TMC2: variants seen among roughly 807,000 people sequenced by gnomAD.
TMC2 encodes transmembrane channel like 2, also known as transmembrane channel-like protein 2.
A neutral mutation model predicts 105.9 loss-of-function variants in TMC2; 102 were observed. The ratio of observed to expected loss-of-function variants is 0.96; its 90% CI spans 0.82 to 1.14. The LOEUF (loss-of-function observed/expected upper bound fraction) is 1.14, where lower values mean the gene tolerates loss of function less well. TMC2 is among the 50% of genes most tolerant of loss of function. The pLI, the probability that TMC2 is intolerant of heterozygous loss-of-function variation, is 0.00. For missense variants in TMC2, 1,093 were observed against 1,134.3 expected (o/e 0.96, Z 0.52); for synonymous variants, 402 against 422.8 (o/e 0.95, Z 0.60).
Position 2,625,446 on chromosome 20 carries a change from T to C in TMC2, c.2306+1050T>C, listed in dbSNP as rs143405882. 1.3e-3 allele frequency among the ~76,000 whole-genome samples: 192 copies of C among 152,340 alleles called. 1 individual carries two copies. The highest frequency in any genetic ancestry group is 0.011 in the East Asian group (56 of 5,188). ...GACTAGATTTAATTATTTCCATGCA[T>C]ATTTTGTACTTTTTAATCACATGTG... On this transcript the variant is annotated intron_variant, in intron 17 of 19. Coordinates refer to ENST00000358864, the MANE Select transcript of TMC2 (RefSeq NM_080751.3).
At chr20:2,585,195 G>A (rs574510736) in intron 7 of TMC2, among the ~76,000 whole-genome samples, 93 of 152,230 alleles carry the variant, frequency 6.1e-4, no homozygotes, top group African/African-American at 2.1e-3. Context: ...CAATGGGATT[G>A]TAATATTCCA....
chr20:2,567,715 C>T (rs2086074368), intron 4 of TMC2, among the ~76,000 whole-genome samples: 1 of 151,754 alleles, frequency 6.6e-6, no homozygotes, highest in African/African-American at 2.4e-5. Flanking sequence ...TTAAAGCAAC[C>T]ATCATAAAAA....
At chr20:2,569,325 A>G (rs1226113772) in intron 4 of TMC2, among the ~76,000 whole-genome samples, 1 of 152,132 alleles carries the variant, frequency 6.6e-6, no homozygotes, top group Non-Finnish European at 1.5e-5. Context: ...TTCTCATCCA[A>G]CTTTAACAGG....
At chr20:2,549,325 G>A (rs1715720195) in intron 2 of TMC2, among the ~76,000 whole-genome samples, 1 of 152,040 alleles carries the variant, frequency 6.6e-6, no homozygotes, top group South Asian at 2.1e-4. Context: ...CAAAGTGCTG[G>A]GATTATAGGC....
chr20:2,537,915 C>G (rs963995380), intron 2 of TMC2, among the ~76,000 whole-genome samples: 1 of 152,122 alleles, frequency 6.6e-6, no homozygotes. Context: ...ATTATGGATG[C>G]GATGCTGTTT....
chr20:2,596,917 T>C (rs2146215396), intron 9 of TMC2, among the ~76,000 whole-genome samples: 1 of 152,160 alleles, frequency 6.6e-6, no homozygotes, highest in South Asian at 2.1e-4. Flanking sequence ...GCAGGCTTTT[T>C]ATTACCTCAT....
At position 2,637,535 on chromosome 20, in the gene TMC2, A is replaced by G; in HGVS notation, c.2447A>G (p.Glu816Gly). The change falls in exon 19 of 20, where the codon GAG becomes GGG. Residue 816 changes from glutamate (E) to glycine (G), a missense_variant. Physicochemically the swap from Glu to Gly is moderately conservative, Grantham distance 98. Transcript: ENST00000358864. The part of the protein sequence containing the change: ...VKGKATARDS[E>G]DTPKSSSKNA... ...GGCAAAGCCACAGCCAGAGATTCAG[A>G]GGACACACCTAAAAGCAGCTCCAAA... 1.2e-6 allele frequency: 2 copies of G among 1,614,152 alleles called. No individual in the cohort carries two copies. The highest frequency in any genetic ancestry group is 1.7e-6 in the Non-Finnish European group (2 of 1,180,014).
chr20:2,623,941 A>G (rs527794553), intron 16 of TMC2, among the ~76,000 whole-genome samples: 1 of 152,130 alleles, frequency 6.6e-6, no homozygotes, highest in South Asian at 2.1e-4. Context: ...AAACACAGAC[A>G]ATTTCTCCAG....
rs2086481416 is a variant in TMC2, at chr20:2,616,299, A to G, written c.1940+95A>G. The G allele has an allele frequency of 3.0e-6, 3 of 1,012,494 alleles. No individual in the cohort carries two copies. Among genetic ancestry groups the G allele is most frequent in the African/African-American group, 3.2e-5 (2 of 63,080 alleles). 62.7% of individuals were successfully genotyped at this position (1,012,494 alleles called of 1,614,324 possible). A position where few individuals can be genotyped will look rare whatever the true frequency, so the allele number is the denominator to read the frequency against. ...AACTTAACTAGTTGGAAGAGGCTAG[A>G]TAAGTCCTCTTGCCTCTCTGAACTC... On this transcript the variant is annotated intron_variant, in intron 15 of 19. Coordinates refer to ENST00000358864, the MANE Select transcript of TMC2 (RefSeq NM_080751.3). The surrounding 1 kb of genome is among the most constrained non-coding windows in gnomAD (Gnocchi z 4.8).
chr20:2,634,736 G>A (rs902105491), intron 17 of TMC2, among the ~76,000 whole-genome samples: 3 of 152,198 alleles, frequency 2.0e-5, no homozygotes, highest in Non-Finnish European at 4.4e-5. Context: ...TTAAAAAAAT[G>A]GGCTAATTAG....
At chr20:2,594,247 A>ATTTTT (rs2086288928) in intron 8 of TMC2, among the ~76,000 whole-genome samples, 2 of 62,388 alleles carry the variant, frequency 3.2e-5, no homozygotes, top group African/African-American at 1.1e-4. Context: ...TTTTTTTTTG[A>ATTTTT]GACAGAGTCT....
chr20:2,594,225 C>CTTTTTTTTTTTTTTTTTTTTTTT (rs565664102), intron 8 of TMC2, among the ~76,000 whole-genome samples: 6 of 113,780 alleles, frequency 5.3e-5, no homozygotes, highest in African/African-American at 1.6e-4. Flanking sequence ...CTAAGGATTC[C>CTTTTTTTTTTTTTTTTTTTTTTT]TTTTTTTTTT....
intron 11 of TMC2, among the ~76,000 whole-genome samples, chr20:2,605,811 C>T (rs548576634): frequency 1.1e-4 from 17 of 152,328 alleles, no homozygotes; most frequent in African/African-American, 4.1e-4. Flanking sequence ...TAACCCTCCT[C>T]CCACCTCCAG....
intron 7 of TMC2, among the ~76,000 whole-genome samples, chr20:2,591,219 T>C (rs902848756): frequency 3.9e-5 from 6 of 152,206 alleles, no homozygotes; most frequent in Non-Finnish European, 5.9e-5. Flanking sequence ...TTCTTGTACA[T>C]ATTTTTATTA....
intron 16 of TMC2, among the ~76,000 whole-genome samples, chr20:2,620,590 G>A (rs1046710930): frequency 7.9e-5 from 12 of 152,194 alleles, no homozygotes; most frequent in African/African-American, 2.2e-4. Context: ...TTATATCAGC[G>A]GAAACATTAC....
chr20:2,577,687 C>A (rs6515576), intron 5 of TMC2, among the ~76,000 whole-genome samples: 21,711 of 151,940 alleles, frequency 0.14, 2,110 homozygotes, highest in African/African-American at 0.27. Flanking sequence ...TGAAAGCAGG[C>A]GGATCACTTG....
chr20:2,599,538 C>CTTT (rs1568519575), intron 10 of TMC2, among the ~76,000 whole-genome samples: 17 of 104,046 alleles, frequency 1.6e-4, no homozygotes, highest in Non-Finnish European at 1.8e-4. Flanking sequence ...TCTTTAATTA[C>CTTT]ATTTTTTTTT....
chr20:2,642,683 G>A lies in TMC2; in HGVS notation c.*1332G>A, dbSNP rs1441693825. The stretch of plus-strand genomic sequence containing the variant: ...TGATGGCAAGGGCAGAGCCTAGGTA[G>A]GGTGGGAGTCACAGTCCAGGACTCT... On this transcript the variant is annotated 3_prime_UTR_variant, in exon 20 of 20. Coordinates refer to ENST00000358864, the MANE Select transcript of TMC2 (RefSeq NM_080751.3). Among the ~76,000 whole-genome samples, 2 of 152,164 alleles carry A rather than the reference G, an allele frequency of 1.3e-5. No homozygotes were observed. Among genetic ancestry groups the A allele is most frequent in the Non-Finnish European group, 2.9e-5 (2 of 68,026 alleles).
In TMC2 at chr20:2,637,517, C is replaced by G; in HGVS notation, c.2429C>G (p.Ala810Gly). 1 of 1,614,046 alleles carries G rather than the reference C, an allele frequency of 6.2e-7. No individual in the cohort carries two copies. The highest frequency in any genetic ancestry group is 8.5e-7 in the Non-Finnish European group (1 of 1,179,976). ...EKSHKSVKGK[A>G]TARDSEDTPK... Reference sequence around the variant, plus strand: ...AGTCACAAATCTGTAAAAGGCAAAGCCACAGCCAGAGATTCAGAGGACACA... The same window carrying G: ...AGTCACAAATCTGTAAAAGGCAAAGGCACAGCCAGAGATTCAGAGGACACA... The change falls in exon 19 of 20, where the codon GCC becomes GGC. Residue 810 changes from alanine to glycine, a missense_variant. Coordinates refer to ENST00000358864, the MANE Select transcript of TMC2 (RefSeq NM_080751.3).
Sources: allele counts gnomAD v4.1 joint callset (sites outside exome capture counted in the v4.1 genomes callset), GRCh38; gene constraint gnomAD v4.1.1; non-coding constraint Gnocchi (gnomAD v3.1); transcripts MANE v1.5; gene names NCBI Gene and HGNC (gene_info 2026-07-23, HGNC 2026-07-21).